The following VWC2L variants were observed in gnomAD, a reference collection of about 807,000 sequenced individuals.
The protein encoded by VWC2L is von Willebrand factor C domain-containing protein 2-like.
In VWC2L, 10 loss-of-function variants were observed where a neutral mutation model predicts 21.6. The observed-to-expected ratio is 0.46, with a 90% CI of 0.29 to 0.78. The LOEUF (loss-of-function observed/expected upper bound fraction) is 0.78. VWC2L is among the 30% of genes least tolerant of loss of function. VWC2L has a pLI of 0.10. For synonymous variants in VWC2L, 96 were observed against 94.3 expected, an observed-to-expected ratio of 1.02 and a Z score of -0.10; for missense variants, 209 against 277.1, an observed-to-expected ratio of 0.75 and a Z score of 1.74.
chr2:214,493,435 A>T (rs1221318415), intron 3 of VWC2L, among the ~76,000 whole-genome samples: 1 of 152,224 alleles, frequency 6.6e-6, no homozygotes, highest in Non-Finnish European at 1.5e-5. Context: ...GGCTAGACCC[A>T]GAGGCTCACA....
chr2:214,526,333 A>G (rs778749452), intron 3 of VWC2L, among the ~76,000 whole-genome samples: 5 of 152,158 alleles, frequency 3.3e-5, no homozygotes, highest in African/African-American at 4.8e-5. Context: ...GAGCTACATC[A>G]CCATGTAGAA....
intron 3 of VWC2L, among the ~76,000 whole-genome samples, chr2:214,490,716 C>T (rs547290966): frequency 4.0e-5 from 6 of 151,786 alleles, no homozygotes; most frequent in East Asian, 3.9e-4. Flanking sequence ...AATAAGTTTA[C>T]GAAAAAAAGA....
At chr2:214,420,096 T>G (rs1295147983) in intron 2 of VWC2L, among the ~76,000 whole-genome samples, 1 of 152,146 alleles carries the variant, frequency 6.6e-6, no homozygotes, top group African/African-American at 2.4e-5. Flanking sequence ...TGGGATTATT[T>G]TGCCAAGTCA....
chr2:214,487,236 T>C (rs1402949773), intron 3 of VWC2L, among the ~76,000 whole-genome samples: 1 of 152,216 alleles, frequency 6.6e-6, no homozygotes, highest in Non-Finnish European at 1.5e-5. Context: ...TGTTACTTTG[T>C]TATGGCCACT....
At chr2:214,531,957 ATAC>A (rs1196757424) in intron 3 of VWC2L, among the ~76,000 whole-genome samples, 7 of 152,290 alleles carry the variant, frequency 4.6e-5, no homozygotes, top group African/African-American at 1.7e-4. Flanking sequence ...ATAAGGAATC[ATAC>A]CACAATACTA....
chr2:214,461,942 T>G (rs1703149101), intron 3 of VWC2L, among the ~76,000 whole-genome samples: 1 of 152,202 alleles, frequency 6.6e-6, no homozygotes, highest in Non-Finnish European at 1.5e-5. Context: ...TGAACTGCAC[T>G]GCTCGTTCCC....
chr2:214,416,280 A>G (rs544868066), intron 2 of VWC2L, among the ~76,000 whole-genome samples: 1 of 152,230 alleles, frequency 6.6e-6, no homozygotes, highest in East Asian at 1.9e-4. Flanking sequence ...GATAATAACT[A>G]TGTTACCATG....
intron 3 of VWC2L, among the ~76,000 whole-genome samples, chr2:214,498,299 A>T (rs1688839547): frequency 6.6e-6 from 1 of 152,092 alleles, no homozygotes; most frequent in Non-Finnish European, 1.5e-5. Context: ...TCTTTGATAG[A>T]TCCTTGGCAT....
chr2:214,540,604 C>A (rs1370459930), intron 3 of VWC2L, among the ~76,000 whole-genome samples: 1 of 152,172 alleles, frequency 6.6e-6, no homozygotes, highest in African/African-American at 2.4e-5. Context: ...TCCAAAGTTC[C>A]ATGTTATTCA....
chr2:214,536,337 A>G (rs997319325), intron 3 of VWC2L, among the ~76,000 whole-genome samples: 1 of 152,110 alleles, frequency 6.6e-6, no homozygotes, highest in African/African-American at 2.4e-5. Flanking sequence ...TAGGTGGACC[A>G]GCAGAACCTT....
intron 3 of VWC2L, among the ~76,000 whole-genome samples, chr2:214,543,094 T>C (rs899959491): frequency 2.0e-5 from 3 of 152,202 alleles, no homozygotes; most frequent in African/African-American, 4.8e-5. Context: ...TCAGTGGCAA[T>C]AGCAACCTAA....
chr2:214,557,780 T>A (rs1273697887), intron 3 of VWC2L, among the ~76,000 whole-genome samples: 4 of 152,178 alleles, frequency 2.6e-5, no homozygotes, highest in African/African-American at 9.6e-5. Context: ...TCACGTCCCA[T>A]CTAACAACAC....
Position 214,566,690 on chromosome 2 carries a change from T to C in VWC2L, c.521-8982T>C, listed in dbSNP as rs188458985. ...TTGGTCTGGAAGCTCCCTCCAGCAA[T>C]AGCAATCTCATCACCACGCTCTTCC... is the stretch of plus-strand genomic sequence containing the variant. On this transcript the variant is annotated intron_variant, in intron 3 of 3. Coordinates refer to ENST00000312504, the MANE Select transcript of VWC2L (RefSeq NM_001080500.4). 5.7e-4 allele frequency among the ~76,000 whole-genome samples: 86 copies of C among 152,070 alleles called. No homozygotes were observed. In the East Asian group the frequency reaches 0.015, roughly 26 times the overall value.
chr2:214,541,675 G>C (rs549535220), intron 3 of VWC2L, among the ~76,000 whole-genome samples: 1 of 152,084 alleles, frequency 6.6e-6, no homozygotes, highest in South Asian at 2.1e-4. Flanking sequence ...CAACCCCAAC[G>C]AACCATGGTT....
At chr2:214,527,583 T>A (rs547397868) in intron 3 of VWC2L, among the ~76,000 whole-genome samples, 8 of 152,224 alleles carry the variant, frequency 5.3e-5, no homozygotes, top group African/African-American at 1.9e-4. Flanking sequence ...GCCTTTGCAC[T>A]TGTCATTATC....
intron 3 of VWC2L, among the ~76,000 whole-genome samples, chr2:214,485,893 A>G (rs1016627894): frequency 2.0e-5 from 3 of 152,234 alleles, no homozygotes; most frequent in Non-Finnish European, 4.4e-5. Flanking sequence ...CATAGACTTT[A>G]AAAGGTATGA....
chr2:214,509,574 G>A (rs771033644), intron 3 of VWC2L, among the ~76,000 whole-genome samples: 2 of 152,146 alleles, frequency 1.3e-5, no homozygotes, highest in Non-Finnish European at 1.5e-5. Context: ...GGTAAGAGGG[G>A]TAGCGGGAAT....
Position 214,575,897 on chromosome 2 carries a change from A to T in VWC2L, c.*77A>T. On this transcript the variant is annotated 3_prime_UTR_variant, in exon 4 of 4. Transcript: ENST00000312504. The stretch of plus-strand genomic sequence containing the variant: ...ACACTGCACATGTTTAACACAAAAC[A>T]AAACAAACAAACTCCTGCCAGCTAC... 6.8e-7 allele frequency: 1 copy of T among 1,480,334 alleles called. No homozygotes were observed. 91.7% of individuals were successfully genotyped at this position (1,480,334 alleles called of 1,614,324 possible).
At chr2:214,541,960 T>C (rs768867811) in intron 3 of VWC2L, among the ~76,000 whole-genome samples, 10 of 151,626 alleles carry the variant, frequency 6.6e-5, no homozygotes, top group Non-Finnish European at 1.5e-4. Context: ...TTCAGAATAA[T>C]AAACAGCCAC....
Sources: gnomAD v4.1 joint callset for allele counts (sites outside exome capture counted in the v4.1 genomes callset) on GRCh38, gnomAD v4.1.1 for gene constraint, MANE v1.5 for transcripts, NCBI Gene and HGNC (gene_info 2026-07-23, HGNC 2026-07-21) for gene names.